The following ANK3 variants were observed in gnomAD, a reference collection of about 807,000 sequenced individuals.
ANK3 encodes ankyrin 3, also known as ankyrin-3.
In ANK3, 57 loss-of-function variants were observed where a neutral mutation model predicts 370.9. The ratio of observed to expected loss-of-function variants is 0.15; its 90% CI spans 0.12 to 0.19. ANK3 has a LOEUF of 0.19. Among genes scored for constraint, ANK3 ranks in the 10% least tolerant of loss-of-function variants. ANK3 has a pLI of 1.00. For synonymous variants in ANK3, 1,929 were observed against 1,946.3 expected, an observed-to-expected ratio of 0.99 and a Z score of 0.23; for missense variants, 4,439 against 5,302.1, an observed-to-expected ratio of 0.84 and a Z score of 5.06.
chr10:60,091,876 A>G (rs1016104487), intron 28 of ANK3, among the ~76,000 whole-genome samples: 5 of 151,792 alleles, frequency 3.3e-5, no homozygotes, highest in African/African-American at 9.7e-5. Context: ...GACTACAGGC[A>G]TGCGCCACCA....
intron 2 of ANK3, among the ~76,000 whole-genome samples, chr10:60,470,852 A>T (rs1254526883): frequency 6.6e-6 from 1 of 152,182 alleles, no homozygotes; most frequent in African/African-American, 2.4e-5. Flanking sequence ...AGAGAGAACA[A>T]AACTTGAAAT....
At chr10:60,176,368 CAAAA>C (rs752384374) in intron 18 of ANK3, among the ~76,000 whole-genome samples, 1 of 102,348 alleles carries the variant, frequency 9.8e-6, no homozygotes, top group Non-Finnish European at 1.9e-5. Context: ...CTCTGTCTCC[CAAAA>C]AAAAAAAAAA....
chr10:60,252,936 T>C (rs2097689466), intron 7 of ANK3, among the ~76,000 whole-genome samples: 1 of 152,210 alleles, frequency 6.6e-6, no homozygotes, highest in African/African-American at 2.4e-5. Flanking sequence ...CCCTTGCCCA[T>C]GTCTTGTGGG....
At chr10:60,585,295 AGTTTTAT>A (rs2077816259) in intron 2 of ANK3, among the ~76,000 whole-genome samples, 1 of 152,150 alleles carries the variant, frequency 6.6e-6, no homozygotes, top group Admixed American at 6.5e-5. Context: ...TGTGCCTGTA[AGTTTTAT>A]GTATATTGGT....
intron 2 of ANK3, among the ~76,000 whole-genome samples, chr10:60,588,160 T>TTTA (rs147944306): frequency 0.056 from 7,944 of 141,006 alleles, 238 homozygotes; most frequent in Middle Eastern, 0.087. Flanking sequence ...TTTCTCAGTT[T>TTTA]TTATTATTAT....
chr10:60,415,922 CA>C (rs764372640), intron 2 of ANK3, among the ~76,000 whole-genome samples: 1,179 of 113,944 alleles, frequency 0.01, 134 homozygotes, highest in African/African-American at 0.039. Flanking sequence ...TTGTGCCCCC[CA>C]CCCCCCCGCC....
chr10:60,685,002 T>C (rs747707348), intron 1 of ANK3: 28 of 1,550,944 alleles, frequency 1.8e-5, no homozygotes, highest in Non-Finnish European at 2.4e-5. Context: ...ATTTGCAGCC[T>C]ACCTGCGCAA....
At chr10:60,330,051 A>C (rs2050839461) in intron 1 of ANK3, among the ~76,000 whole-genome samples, 1 of 152,246 alleles carries the variant, frequency 6.6e-6, no homozygotes, top group Non-Finnish European at 1.5e-5. Context: ...TTCCTTATTT[A>C]ATAAATGACG....
chr10:60,039,365 A>T (rs751360885), intron 43 of ANK3, among the ~76,000 whole-genome samples: 1 of 152,012 alleles, frequency 6.6e-6, no homozygotes, highest in Admixed American at 6.6e-5. Flanking sequence ...TTATCTGGGG[A>T]TCTTCCCTTG....
intron 2 of ANK3, chr10:60,572,447 T>G: frequency 6.5e-7 from 1 of 1,535,036 alleles, no homozygotes; most frequent in South Asian, 1.2e-5. Context: ...GAGAACATGT[T>G]GCTTATTCAT....
rs556597956 is a variant in ANK3 at position 60,605,750 on chromosome 10, G to T, written c.96+9436C>A. 2.6e-5 allele frequency among the ~76,000 whole-genome samples: 4 copies of T among 152,254 alleles called. No individual in the cohort carries two copies. In the East Asian group the frequency reaches 5.8e-4, roughly 22 times the overall value. ...TAGGCAGGTCAATATGTGGCTTTGT[G>T]CAAGTCATGTAAGCTGAGATTCAGT... On this transcript the variant is annotated intron_variant, in intron 2 of 43. Coordinates refer to the ANK3 transcript ENST00000373827.
intron 7 of ANK3, among the ~76,000 whole-genome samples, chr10:60,239,196 T>G (rs748672433): frequency 6.6e-5 from 10 of 151,808 alleles, no homozygotes; most frequent in Non-Finnish European, 1.0e-4. Context: ...GGAGAAGAGA[T>G]AGAATGGGAC....
intron 1 of ANK3, among the ~76,000 whole-genome samples, chr10:60,625,177 C>T (rs1028310380): frequency 6.6e-6 from 1 of 151,972 alleles, no homozygotes; most frequent in African/African-American, 2.4e-5. Context: ...AGAGAGGGAG[C>T]CACAAGGGGA....
chr10:60,647,580 T>G (rs1836908044), intron 1 of ANK3, among the ~76,000 whole-genome samples: 1 of 151,372 alleles, frequency 6.6e-6, no homozygotes, highest in South Asian at 2.1e-4. Flanking sequence ...AAATAAAATT[T>G]TAAATTCATA....
At chr10:60,141,429 G>GT (rs2094550570) in intron 23 of ANK3, among the ~76,000 whole-genome samples, 2 of 151,898 alleles carry the variant, frequency 1.3e-5, no homozygotes, top group African/African-American at 4.8e-5. Flanking sequence ...CTGTTACATT[G>GT]TTTCTTTCTC....
Position 60,198,400 on chromosome 10 carries a change from C to A in ANK3, c.1629G>T (p.Gly543=), listed in dbSNP as rs748102749. 16 of 1,614,082 alleles carry A rather than the reference C, an allele frequency of 9.9e-6. No homozygotes were observed. Among genetic ancestry groups the A allele is most frequent in the Non-Finnish European group, 1.3e-5 (15 of 1,180,042 alleles). The change falls in exon 14 of 44, where the codon GGG becomes GGT. Residue 543 remains glycine (G), a synonymous_variant. Transcript: ENST00000280772. ...YTPLHLSARE[G]HEDVAAFLLD... ...AAAGGAACGCGGCCACATCCTCATG[C>A]CCCTCTCGGGCGGAAAGGTGAAGTG...
chr10:60,431,742 AC>A (rs1180378411), intron 2 of ANK3, among the ~76,000 whole-genome samples: 2 of 152,136 alleles, frequency 1.3e-5, no homozygotes, highest in Non-Finnish European at 2.9e-5. Context: ...GCAAGTGTAT[AC>A]CTATGTAATA....
intron 29 of ANK3, 81 bp downstream of exon 29, chr10:60,088,066 A>T: frequency 9.0e-7 from 1 of 1,112,550 alleles, no homozygotes; most frequent in Non-Finnish European, 1.3e-6. Flanking sequence ...TTAGGATGTT[A>T]GAATAACTCT....
At chr10:60,159,105 T>C (rs1028739871) in intron 23 of ANK3, among the ~76,000 whole-genome samples, 1 of 152,220 alleles carries the variant, frequency 6.6e-6, no homozygotes, top group African/African-American at 2.4e-5. Flanking sequence ...TAATGCTGAA[T>C]TTAAATGGAC....
Sources: allele counts gnomAD v4.1 joint callset (sites outside exome capture counted in the v4.1 genomes callset), GRCh38; gene constraint gnomAD v4.1.1; transcripts MANE v1.5; gene names NCBI Gene and HGNC (gene_info 2026-07-23, HGNC 2026-07-21).